TMCC1: variants seen among roughly 807,000 people sequenced by gnomAD.
TMCC1 encodes the protein transmembrane and coiled-coil domain family 1, also known as transmembrane and coiled-coil domains protein 1.
Under a neutral mutation model 52.4 loss-of-function variants are expected in TMCC1, and 15 were observed. The ratio of observed to expected loss-of-function variants is 0.29; its 90% confidence interval spans 0.19 to 0.44. The LOEUF (loss-of-function observed/expected upper bound fraction) is 0.44, where lower values mean the gene tolerates loss of function less well. TMCC1 is among the 20% of genes least tolerant of loss of function. The probability of loss-of-function intolerance (pLI) is 1.00; values close to 1 mark genes in which losing one functional copy is unlikely to be tolerated. For synonymous variants in TMCC1, 279 were observed against 301.9 expected (o/e 0.92, Z 0.79); for missense variants, 503 against 806.0 (o/e 0.62, Z 4.55).
At chr3:129,710,220 CTGTGTAAGT>C (rs1327037446) in intron 4 of TMCC1, among the ~76,000 whole-genome samples, 1 of 151,600 alleles carries the variant, frequency 6.6e-6, no homozygotes, top group Admixed American at 6.6e-5. Flanking sequence ...CAAACAAAAA[CTGTGTAAGT>C]ACTAAAAAGA....
chr3:129,831,937 CTCTGCCT>C (rs2058936005), intron 3 of TMCC1, among the ~76,000 whole-genome samples: 1 of 152,168 alleles, frequency 6.6e-6, no homozygotes, highest in Non-Finnish European at 1.5e-5. Flanking sequence ...TCACTGCAAC[CTCTGCCT>C]TCTGGGTTCA....
At chr3:129,782,548 G>A (rs896030854) in intron 4 of TMCC1, among the ~76,000 whole-genome samples, 1 of 152,158 alleles carries the variant, frequency 6.6e-6, no homozygotes, top group African/African-American at 2.4e-5. Flanking sequence ...GAACCAAAGT[G>A]ATATTAATAT....
chr3:129,864,615 C>T (rs1188308608), intron 2 of TMCC1, among the ~76,000 whole-genome samples: 2 of 152,066 alleles, frequency 1.3e-5, no homozygotes, highest in South Asian at 2.1e-4. Context: ...GGGCAAGACC[C>T]CATCTCTAGT....
chr3:129,871,257 G>A (rs1488792398), intron 2 of TMCC1, among the ~76,000 whole-genome samples: 1 of 151,604 alleles, frequency 6.6e-6, no homozygotes, highest in African/African-American at 2.4e-5. Context: ...TACTTGGGAG[G>A]GTGAGGCAGG....
intron 2 of TMCC1, among the ~76,000 whole-genome samples, chr3:129,873,850 C>T (rs1363507144): frequency 2.0e-5 from 3 of 152,064 alleles, no homozygotes; most frequent in Non-Finnish European, 4.4e-5. Flanking sequence ...GCAAGCATCC[C>T]AAATCCAAGC....
intron 4 of TMCC1, among the ~76,000 whole-genome samples, chr3:129,723,813 C>T (rs977341315): frequency 1.5e-4 from 23 of 152,222 alleles, no homozygotes; most frequent in African/African-American, 4.6e-4. Flanking sequence ...TGCTGAAAAA[C>T]GCTAAGTTTC....
At chr3:129,668,757 C>G (rs1312412908) in intron 5 of TMCC1, among the ~76,000 whole-genome samples, 2 of 152,158 alleles carry the variant, frequency 1.3e-5, no homozygotes, top group Non-Finnish European at 2.9e-5. Context: ...TCCTGAGTAG[C>G]TGGGATTACA....
At chr3:129,798,717 T>C (rs975361036) in intron 4 of TMCC1, among the ~76,000 whole-genome samples, 4 of 152,204 alleles carry the variant, frequency 2.6e-5, no homozygotes, top group Non-Finnish European at 5.9e-5. Context: ...TGCACAGACT[T>C]GTTAACTATT....
At chr3:129,787,438 G>A (rs902142794) in intron 4 of TMCC1, among the ~76,000 whole-genome samples, 2 of 152,146 alleles carry the variant, frequency 1.3e-5, no homozygotes, top group African/African-American at 4.8e-5. Flanking sequence ...CACAAGGGAA[G>A]TTGCATGTCC....
At chr3:129,685,402 T>TA (rs751525585) in intron 4 of TMCC1, among the ~76,000 whole-genome samples, 53 of 145,790 alleles carry the variant, frequency 3.6e-4, no homozygotes, top group African/African-American at 1.3e-3. Flanking sequence ...AAAATTAAAT[T>TA]TAAAAAAAAA....
chr3:129,873,325 A>G (rs1195953105), intron 2 of TMCC1, among the ~76,000 whole-genome samples: 1 of 152,070 alleles, frequency 6.6e-6, no homozygotes, highest in African/African-American at 2.4e-5. Context: ...GAAAAACCCA[A>G]AAGAAAAAAA....
At chr3:129,663,632 A>G (rs2087217644) in intron 5 of TMCC1, among the ~76,000 whole-genome samples, 6 of 152,198 alleles carry the variant, frequency 3.9e-5, no homozygotes. Context: ...AGTCCCCCAC[A>G]ATATTTCAAG....
intron 4 of TMCC1, among the ~76,000 whole-genome samples, chr3:129,774,591 AAG>A (rs2054872787): frequency 6.6e-6 from 1 of 152,198 alleles, no homozygotes; most frequent in African/African-American, 2.4e-5. Flanking sequence ...GAGAATACAA[AAG>A]AGGGGCAACT....
At chr3:129,859,616 AAC>A (rs1475934661) in intron 2 of TMCC1, among the ~76,000 whole-genome samples, 1 of 151,166 alleles carries the variant, frequency 6.6e-6, no homozygotes, top group Admixed American at 6.6e-5. Context: ...CAGCCTCAGC[AAC>A]AGAGAGAAAC....
chr3:129,720,281 T>C (rs2049465572), intron 4 of TMCC1, among the ~76,000 whole-genome samples: 2 of 151,560 alleles, frequency 1.3e-5, no homozygotes, highest in African/African-American at 4.9e-5. Context: ...TGTCAGCAAA[T>C]GTGACATGAA....
chr3:129,654,880 C>A, intron 6 of TMCC1, 88 bp downstream of exon 6: 3 of 1,404,170 alleles, frequency 2.1e-6, no homozygotes, highest in South Asian at 1.3e-5. Flanking sequence ...TTGTTCTCTA[C>A]CTTCTCATCT....
At chr3:129,656,356 T>C (rs2086667897) in intron 5 of TMCC1, among the ~76,000 whole-genome samples, 1 of 152,248 alleles carries the variant, frequency 6.6e-6, no homozygotes, top group African/African-American at 2.4e-5. Context: ...ATCACTCAGG[T>C]AGCATACATT....
In TMCC1 at chr3:129,792,468, AG is replaced by A. The variant is rs567129176; in HGVS notation, c.576+35334del. ...GTTCAAGCGATTCTCCTGCGTCGTC[AG>A]CCTCCCAAGTAGCTGGGACCACAGG... On this transcript the variant is annotated intron_variant, in intron 4 of 6. Transcript: ENST00000393238. Among the ~76,000 whole-genome samples the A allele has an allele frequency of 4.6e-5, 7 of 152,172 alleles. No homozygotes were observed. In the South Asian group the frequency reaches 1.5e-3, roughly 32 times the overall value.
intron 4 of TMCC1, among the ~76,000 whole-genome samples, chr3:129,704,994 C>T (rs1462479305): frequency 2.6e-5 from 4 of 152,124 alleles, no homozygotes; most frequent in Non-Finnish European, 5.9e-5. Context: ...GACATAATAC[C>T]TTCTACTGGG....
Sources: gnomAD v4.1 joint callset for allele counts (sites outside exome capture counted in the v4.1 genomes callset) on GRCh38, gnomAD v4.1.1 for gene constraint, MANE v1.5 for transcripts, NCBI Gene and HGNC (gene_info 2026-07-23, HGNC 2026-07-21) for gene names.